PROS1: variants seen among roughly 807,000 people sequenced by gnomAD.
PROS1 encodes the protein protein S.
Under a neutral mutation model 75.9 loss-of-function variants are expected in PROS1, and 29 were observed. The ratio of observed to expected loss-of-function variants is 0.38; its 90% CI spans 0.28 to 0.52. PROS1 has a LOEUF of 0.52. Ranked by LOEUF, PROS1 falls within the 20% of genes least tolerant of loss-of-function variation. PROS1 has a pLI of 0.83. For missense variants in PROS1, 680 were observed against 810.3 expected (o/e 0.84, Z 1.95); for synonymous variants, 245 against 280.6 (o/e 0.87, Z 1.27).
At chr3:93,879,413 T>C in intron 12 of PROS1, 99 bp from the exon 13 acceptor site, 1 of 1,442,072 alleles carries the variant, frequency 6.9e-7, no homozygotes, top group East Asian at 2.3e-5. Context: ...CAAAACTATC[T>C]TGTGTAATAC....
At chr3:93,950,752 G>A (rs1709482784) in intron 1 of PROS1, among the ~76,000 whole-genome samples, 1 of 152,294 alleles carries the variant, frequency 6.6e-6, no homozygotes, top group Admixed American at 6.5e-5. Context: ...CAGAAAACCT[G>A]AAAATTCTAA....
At chr3:93,898,929 A>G (rs1264632729) in intron 7 of PROS1, among the ~76,000 whole-genome samples, 3 of 152,060 alleles carry the variant, frequency 2.0e-5, no homozygotes, top group African/African-American at 7.2e-5. Flanking sequence ...ATTACCTCAC[A>G]ATTCATTGCT....
At position 93,887,282 on chromosome 3, in the gene PROS1, T is replaced by G. The variant is rs1708363879; in HGVS notation, c.1156-779A>C. Among the ~76,000 whole-genome samples the G allele has an allele frequency of 2.0e-5, 3 of 152,186 alleles. 1 individual carries two copies. The stretch of plus-strand genomic sequence containing the variant: ...CACTATTCTGTTAATTGCACACAAA[T>G]TATTTTTTCTTTAAAATTCAAAAGT... On this transcript the variant is annotated intron_variant, in intron 10 of 14. Coordinates refer to ENST00000394236, the MANE Select transcript of PROS1 (RefSeq NM_000313.4).
intron 1 of PROS1, among the ~76,000 whole-genome samples, chr3:93,952,424 T>G (rs964142018): frequency 6.6e-6 from 1 of 152,076 alleles, no homozygotes; most frequent in Non-Finnish European, 1.5e-5. Flanking sequence ...ATTAAGAAAC[T>G]CACTCAAAAC....
At chr3:93,899,812 G>T (rs1291298193) in intron 7 of PROS1, among the ~76,000 whole-genome samples, 2 of 152,194 alleles carry the variant, frequency 1.3e-5, no homozygotes, top group Non-Finnish European at 2.9e-5. Flanking sequence ...AATGGTTACT[G>T]CTTAAGAGTT....
chr3:93,876,967 T>A lies in PROS1; in HGVS notation c.1869A>T (p.Pro623=). The stretch of plus-strand genomic sequence containing the variant: ...ACTGAAGAAAAAGTAAGCAGATACC[T>A]GGAAGGCCACCCAGGTATGTGGCCA... ...AKVATYLGGL[P]DVPFSATPVN... Residue 623 remains proline (P), a splice_region_variant and synonymous_variant, in exon 14 of 15, where the codon CCA becomes CCT. Coordinates refer to ENST00000394236, the MANE Select transcript of PROS1 (RefSeq NM_000313.4). 6.3e-7 allele frequency: 1 copy of A among 1,594,008 alleles called. No homozygotes were observed. Among genetic ancestry groups the A allele is most frequent in the Non-Finnish European group, 8.6e-7 (1 of 1,162,796 alleles).
At chr3:93,933,310 C>T (rs886571617) in intron 1 of PROS1, among the ~76,000 whole-genome samples, 59 of 152,254 alleles carry the variant, frequency 3.9e-4, no homozygotes, top group African/African-American at 1.3e-3. Flanking sequence ...TACTGTGGCT[C>T]GCACATGTAA....
intron 13 of PROS1, among the ~76,000 whole-genome samples, chr3:93,877,877 A>G (rs1037237697): frequency 3.9e-5 from 6 of 152,230 alleles, no homozygotes; most frequent in African/African-American, 1.4e-4. Flanking sequence ...AGAAATGTTT[A>G]TTTAGGAATC....
intron 6 of PROS1, 25 bp from the exon 7 acceptor site, chr3:93,900,954 A>G (rs1708584374): frequency 3.7e-6 from 6 of 1,609,792 alleles, no homozygotes; most frequent in Non-Finnish European, 5.1e-6. Flanking sequence ...ACTATATTAA[A>G]AAACATTTTT....
intron 3 of PROS1, among the ~76,000 whole-genome samples, chr3:93,912,405 A>G (rs1268447201): frequency 6.6e-6 from 1 of 152,206 alleles, no homozygotes; most frequent in Non-Finnish European, 1.5e-5. Context: ...TTTGCCATAT[A>G]AGGTAACAGT....
intron 1 of PROS1, among the ~76,000 whole-genome samples, chr3:93,927,993 GTATA>G (rs1553814546): frequency 3.9e-5 from 1 of 25,606 alleles, no homozygotes; most frequent in Non-Finnish European, 7.0e-5. Context: ...GTGTGTGTGT[GTATA>G]TATATATATA....
chr3:93,944,718 T>G (rs1326855628), intron 1 of PROS1, among the ~76,000 whole-genome samples: 1 of 151,984 alleles, frequency 6.6e-6, no homozygotes, highest in Non-Finnish European at 1.5e-5. Context: ...AGATCTAAAA[T>G]TGACACCCTA....
Position 93,898,636 on chromosome 3 carries a change from G to T in PROS1, c.728-67C>A. 5 of 1,556,306 alleles carry T rather than the reference G, an allele frequency of 3.2e-6. No individual in the cohort carries two copies. The South Asian group carries it at 4.5e-5, about 14-fold the overall frequency. On this transcript the variant is annotated intron_variant, in intron 7 of 14. Coordinates refer to ENST00000394236, the MANE Select transcript of PROS1 (RefSeq NM_000313.4). ...CTAAATGTTCAATCTTATAGGCAGA[G>T]GAATATTATGATTGTAGTATGATAT...
chr3:93,957,826 C>T (rs1202772514), intron 1 of PROS1, among the ~76,000 whole-genome samples: 2 of 152,066 alleles, frequency 1.3e-5, no homozygotes, highest in Non-Finnish European at 2.9e-5. Context: ...TAAAAAGAGG[C>T]TTAATTGGCT....
chr3:93,922,250 GT>G (rs548347605), intron 3 of PROS1, among the ~76,000 whole-genome samples: 24 of 152,000 alleles, frequency 1.6e-4, no homozygotes, highest in Admixed American at 9.2e-4. Context: ...TATTTTTCAG[GT>G]TTTTTCCTTA....
intron 6 of PROS1, among the ~76,000 whole-genome samples, chr3:93,901,765 A>AT (rs1184090361): frequency 4.6e-5 from 7 of 152,202 alleles, no homozygotes; most frequent in Non-Finnish European, 8.8e-5. Flanking sequence ...ATTTTTCTAT[A>AT]TTTTGACTGT....
chr3:93,940,526 T>C (rs960507668), intron 1 of PROS1, among the ~76,000 whole-genome samples: 1 of 152,146 alleles, frequency 6.6e-6, no homozygotes, highest in African/African-American at 2.4e-5. Flanking sequence ...AATATTCTTT[T>C]ATGCACTCCT....
chr3:93,945,774 C>T (rs1709383220), intron 1 of PROS1, among the ~76,000 whole-genome samples: 1 of 152,192 alleles, frequency 6.6e-6, no homozygotes, highest in South Asian at 2.1e-4. Flanking sequence ...TCTCTCACCA[C>T]TCCTATTCAA....
At chr3:93,968,584 C>T (rs1418499961) in intron 1 of PROS1, among the ~76,000 whole-genome samples, 1 of 152,116 alleles carries the variant, frequency 6.6e-6, no homozygotes, top group African/African-American at 2.4e-5. Context: ...ACATTCCGTC[C>T]TCACAACTGC....
Sources: allele counts gnomAD v4.1 joint callset (sites outside exome capture counted in the v4.1 genomes callset), GRCh38; gene constraint gnomAD v4.1.1; transcripts MANE v1.5; gene names NCBI Gene and HGNC (gene_info 2026-07-23, HGNC 2026-07-21).